The following MYLK variants were observed in gnomAD, a reference collection of about 807,000 sequenced individuals.
The protein encoded by MYLK is myosin light chain kinase, smooth muscle.
In MYLK, 106 loss-of-function variants were observed where a neutral mutation model predicts 203.4. The observed-to-expected ratio is 0.52, with a 90% CI of 0.45 to 0.61. The LOEUF (loss-of-function observed/expected upper bound fraction) is 0.61. MYLK is among the 20% of genes least tolerant of loss of function. The pLI is 0.00. For missense variants in MYLK, 2,072 were observed against 2,442.3 expected (o/e 0.85, Z 3.20); for synonymous variants, 867 against 959.5 (o/e 0.90, Z 1.78).
In MYLK at chr3:123,722,260, G is replaced by T; in HGVS notation, c.1672C>A (p.Arg558Ser). 6.4e-7 allele frequency: 1 copy of T among 1,569,662 alleles called. No homozygotes were observed. Residue 558 changes from arginine to serine, a missense_variant, in exon 13 of 34, where the codon CGC becomes AGC. This residue lies in a region of MYLK where 865 missense variants were observed against 1,016.0 expected (regional missense o/e 0.85). Transcript: ENST00000360304. The part of the protein sequence containing the change: ...LLNGQPIQYA[R>S]STCEAGVAEL... ...GCCACGCCGGCCTCGCAGGTGGAGC[G>T]AGCGTACTGGATGGGCTGCCCTGTG... is the stretch of plus-strand genomic sequence containing the variant.
chr3:123,693,952 G>C (rs1398885635), intron 18 of MYLK, among the ~76,000 whole-genome samples: 1 of 152,218 alleles, frequency 6.6e-6, no homozygotes, highest in Non-Finnish European at 1.5e-5. Context: ...CCCATCTCAT[G>C]TCCCACAAGC....
At chr3:123,874,429 C>A (rs747093277) in intron 2 of MYLK, among the ~76,000 whole-genome samples, 1 of 152,086 alleles carries the variant, frequency 6.6e-6, no homozygotes, top group African/African-American at 2.4e-5. Flanking sequence ...CACTATTGGA[C>A]ATTCATATGC....
chr3:123,782,288 G>T (rs1051579111), intron 4 of MYLK, among the ~76,000 whole-genome samples: 1 of 152,204 alleles, frequency 6.6e-6, no homozygotes, highest in African/African-American at 2.4e-5. Flanking sequence ...ATGCAATGAG[G>T]TAGAAGAGCT....
At chr3:123,852,935 T>G (rs2030983940) in intron 2 of MYLK, among the ~76,000 whole-genome samples, 1 of 152,146 alleles carries the variant, frequency 6.6e-6, no homozygotes, top group African/African-American at 2.4e-5. Context: ...TTTGACAACC[T>G]TTGAGTAAAA....
At chr3:123,830,474 C>A (rs941029102) in intron 3 of MYLK, among the ~76,000 whole-genome samples, 1 of 152,174 alleles carries the variant, frequency 6.6e-6, no homozygotes, top group African/African-American at 2.4e-5. Flanking sequence ...TCAAAGTAAT[C>A]TAAGAAGCTA....
At chr3:123,795,733 C>T (rs1009512123) in intron 3 of MYLK, among the ~76,000 whole-genome samples, 44 of 152,314 alleles carry the variant, frequency 2.9e-4, no homozygotes, top group African/African-American at 9.6e-4. Flanking sequence ...CCACAAAATC[C>T]CTGATGACTG....
At chr3:123,667,768 G>A (rs558409986) in intron 20 of MYLK, among the ~76,000 whole-genome samples, 2 of 152,112 alleles carry the variant, frequency 1.3e-5, no homozygotes, top group South Asian at 2.1e-4. Context: ...TAAAATGCTC[G>A]TGCTCCCATA....
At chr3:123,748,519 T>C (rs991342809) in intron 5 of MYLK, among the ~76,000 whole-genome samples, 13 of 152,200 alleles carry the variant, frequency 8.5e-5, no homozygotes, top group African/African-American at 2.9e-4. Context: ...CTTGTGGCTA[T>C]TGAGCACTCA....
intron 33 of MYLK, chr3:123,617,097 C>T (rs1330496023): frequency 2.0e-5 from 3 of 152,152 alleles, no homozygotes; most frequent in Non-Finnish European, 4.4e-5. Context: ...AAGTACCCTC[C>T]ACTCCCATGC....
At chr3:123,845,914 T>C (rs768075947) in intron 2 of MYLK, among the ~76,000 whole-genome samples, 1 of 152,226 alleles carries the variant, frequency 6.6e-6, no homozygotes, top group Non-Finnish European at 1.5e-5. Flanking sequence ...ATTTCAGACA[T>C]GATACAGAGT....
chr3:123,661,377 T>A (rs1215401402), intron 23 of MYLK, among the ~76,000 whole-genome samples: 2 of 152,090 alleles, frequency 1.3e-5, no homozygotes, highest in Non-Finnish European at 2.9e-5. Flanking sequence ...CAGGGCCAAA[T>A]CAGTGCTTCA....
chr3:123,737,281 G>T, intron 8 of MYLK, 97 bp downstream of exon 8: 1 of 1,482,230 alleles, frequency 6.7e-7, no homozygotes, highest in South Asian at 1.1e-5. Flanking sequence ...TGGGCCAGGT[G>T]TATACACACA....
At chr3:123,770,571 C>T (rs181046863) in intron 4 of MYLK, among the ~76,000 whole-genome samples, 1 of 152,282 alleles carries the variant, frequency 6.6e-6, no homozygotes, top group Admixed American at 6.5e-5. Flanking sequence ...GTACAAGTGC[C>T]ACGTGTTAAT....
chr3:123,659,762 G>A lies in MYLK; in HGVS notation c.3986-2334C>T, dbSNP rs2059506490. Reference sequence around the variant, plus strand: ...CTCCACGGCGACACACTCAGACTGGGAGGGAGACCCTGGGCATCTCTGGGC... The same window carrying A: ...CTCCACGGCGACACACTCAGACTGGAAGGGAGACCCTGGGCATCTCTGGGC... On this transcript the variant is annotated intron_variant, in intron 23 of 33. Transcript: ENST00000360304. The A allele has an allele frequency of 5.9e-6, 3 of 504,504 alleles. No homozygotes were observed. The Admixed American group carries it at 6.0e-5, about 10-fold the overall frequency. 31.3% of individuals were successfully genotyped at this position (504,504 alleles called of 1,614,324 possible). A position where few individuals can be genotyped will look rare whatever the true frequency, so the allele number is the denominator to read the frequency against.
intron 23 of MYLK, chr3:123,659,767 A>ACACT: frequency 2.0e-6 from 1 of 499,664 alleles, no homozygotes; most frequent in South Asian, 1.5e-5. Flanking sequence ...ACTGGGAGGG[A>ACACT]GACCCTGGGC....
intron 23 of MYLK, among the ~76,000 whole-genome samples, chr3:123,663,901 C>T (rs959065377): frequency 6.6e-6 from 1 of 152,146 alleles, no homozygotes; most frequent in East Asian, 1.9e-4. Context: ...CCAGCCTTGG[C>T]CCCTCTGCTG....
intron 13 of MYLK, among the ~76,000 whole-genome samples, chr3:123,714,178 G>C (rs1316093153): frequency 6.6e-6 from 1 of 152,202 alleles, no homozygotes; most frequent in Non-Finnish European, 1.5e-5. Context: ...GATTGTGTCT[G>C]TTTTACAGTG....
In MYLK at chr3:123,843,245, C is replaced by A. The variant is rs537999006; in HGVS notation, c.-126-11575G>T. On this transcript the variant is annotated intron_variant, in intron 2 of 33. Coordinates refer to ENST00000360304, the MANE Select transcript of MYLK (RefSeq NM_053025.4). The stretch of plus-strand genomic sequence containing the variant: ...TCAAAAATACTGGAAACAATGAAAT[C>A]AGACAGATTAGGAGAAATAATCATA... 1.6e-3 allele frequency among the ~76,000 whole-genome samples: 251 copies of A among 152,286 alleles called. 2 individuals are homozygous for A. In the South Asian group the frequency reaches 0.019, roughly 12 times the overall value.
At chr3:123,804,418 C>T (rs1185446855) in intron 3 of MYLK, among the ~76,000 whole-genome samples, 1 of 152,090 alleles carries the variant, frequency 6.6e-6, no homozygotes, top group Non-Finnish European at 1.5e-5. Flanking sequence ...CTCCCCTCCT[C>T]TCCAACAGTG....
Sources: allele counts gnomAD v4.1 joint callset (sites outside exome capture counted in the v4.1 genomes callset), GRCh38; gene constraint gnomAD v4.1.1; regional missense constraint gnomAD v4.1.1; transcripts MANE v1.5; gene names NCBI Gene and HGNC (gene_info 2026-07-23, HGNC 2026-07-21).